VSTM5: variants seen among roughly 807,000 people sequenced by gnomAD.
The protein encoded by VSTM5 is V-set and transmembrane domain-containing protein 5.
In VSTM5, 21 loss-of-function variants were observed where a neutral mutation model predicts 20.3. The ratio of observed to expected loss-of-function variants is 1.03; its 90% CI spans 0.73 to 1.49. The LOEUF (loss-of-function observed/expected upper bound fraction) is 1.49. VSTM5 is among the 40% of genes most tolerant of loss of function. The pLI is 0.00. For missense variants in VSTM5, 219 were observed against 250.0 expected, an observed-to-expected ratio of 0.88 and a Z score of 0.84; for synonymous variants, 100 against 102.5, an observed-to-expected ratio of 0.98 and a Z score of 0.14.
chr11:93,829,338 C>A (rs1004548663), intron 1 of VSTM5, among the ~76,000 whole-genome samples: 2 of 152,102 alleles, frequency 1.3e-5, no homozygotes, highest in African/African-American at 4.8e-5. Context: ...AACAGCCTGG[C>A]CAACATGGTG....
At chr11:93,837,097 T>C (rs1029771470) in intron 1 of VSTM5, among the ~76,000 whole-genome samples, 1 of 151,906 alleles carries the variant, frequency 6.6e-6, no homozygotes, top group Non-Finnish European at 1.5e-5. Context: ...AGTGTCATGA[T>C]CTTGGCTCAC....
At chr11:93,842,811 A>G (rs530751838) in intron 1 of VSTM5, among the ~76,000 whole-genome samples, 13 of 152,254 alleles carry the variant, frequency 8.5e-5, no homozygotes, top group Non-Finnish European at 1.6e-4. Context: ...TGATCAGAAG[A>G]TCATTCAGGG....
At chr11:93,827,208 A>AC (rs1460857399) in intron 1 of VSTM5, among the ~76,000 whole-genome samples, 1 of 151,924 alleles carries the variant, frequency 6.6e-6, no homozygotes, top group Admixed American at 6.5e-5. Context: ...ACATGGAGAA[A>AC]CCCCATCTCT....
chr11:93,819,668 GA>G lies in VSTM5; in HGVS notation c.*900del, dbSNP rs1379536794. 5 of 152,308 alleles carry G rather than the reference GA, an allele frequency of 3.3e-5. No homozygotes were observed. Among genetic ancestry groups the G allele is most frequent in the African/African-American group, 1.2e-4 (5 of 41,452 alleles). 9.4% of individuals were successfully genotyped at this position (152,308 alleles called of 1,614,324 possible). A position where few individuals can be genotyped will look rare whatever the true frequency, so the allele number is the denominator to read the frequency against. ...CTTGAGACGTGAAGTGTTAGTGACT[GA>G]GGGGGACAGATGCAAAGCCCGAGAT... On this transcript the variant is annotated 3_prime_UTR_variant, in exon 4 of 4. Coordinates refer to ENST00000409977, the MANE Select transcript of VSTM5 (RefSeq NM_001144871.2).
intron 1 of VSTM5, among the ~76,000 whole-genome samples, chr11:93,848,150 G>A (rs765659658): frequency 1.4e-4 from 22 of 152,176 alleles, no homozygotes; most frequent in Non-Finnish European, 2.6e-4. Flanking sequence ...AGGGTGTTTG[G>A]CATGCTTTAA....
intron 1 of VSTM5, among the ~76,000 whole-genome samples, chr11:93,826,975 T>A (rs1021495778): frequency 6.6e-6 from 1 of 152,232 alleles, no homozygotes; most frequent in African/African-American, 2.4e-5. Context: ...TTGAATTTGT[T>A]AAGCCTTGAG....
chr11:93,820,532 C>T lies in VSTM5; in HGVS notation c.*37G>A. On this transcript the variant is annotated 3_prime_UTR_variant, in exon 4 of 4. Coordinates refer to ENST00000409977, the MANE Select transcript of VSTM5 (RefSeq NM_001144871.2). ...TGCTCTTTTTGTTGGAGAATGGTTTCCTCTTGAGGTAGGAATGCAGTCAGG... is the reference window on the plus strand; with the variant it reads ...TGCTCTTTTTGTTGGAGAATGGTTTTCTCTTGAGGTAGGAATGCAGTCAGG... The T allele has an allele frequency of 6.4e-7, 1 of 1,550,942 alleles. No homozygotes were observed. The highest frequency in any genetic ancestry group is 8.7e-7 in the Non-Finnish European group (1 of 1,146,392).
intron 1 of VSTM5, among the ~76,000 whole-genome samples, chr11:93,838,174 T>A (rs1257621570): frequency 6.9e-6 from 1 of 145,180 alleles, no homozygotes; most frequent in Non-Finnish European, 1.5e-5. Context: ...TTTCTGTCAA[T>A]GATTCAATTT....
chr11:93,830,344 G>C (rs1043570957), intron 1 of VSTM5, among the ~76,000 whole-genome samples: 1 of 152,248 alleles, frequency 6.6e-6, no homozygotes, highest in Non-Finnish European at 1.5e-5. Flanking sequence ...AGCCTAAACA[G>C]CCGGGAACAG....
intron 1 of VSTM5, among the ~76,000 whole-genome samples, chr11:93,829,061 C>T (rs1944260451): frequency 6.6e-6 from 1 of 152,192 alleles, no homozygotes; most frequent in Non-Finnish European, 1.5e-5. Flanking sequence ...CGGGCAATGA[C>T]ACAGAACTTT....
intron 1 of VSTM5, among the ~76,000 whole-genome samples, chr11:93,842,052 G>A (rs1012589676): frequency 2.6e-5 from 4 of 152,158 alleles, no homozygotes; most frequent in Admixed American, 6.5e-5. Flanking sequence ...TGCTGTGCCC[G>A]CCTCCTGCAG....
chr11:93,848,508 T>C (rs896440904), intron 1 of VSTM5, among the ~76,000 whole-genome samples: 1 of 152,226 alleles, frequency 6.6e-6, no homozygotes, highest in Non-Finnish European at 1.5e-5. Context: ...TGGTACACCC[T>C]GCATTCCCTT....
At chr11:93,830,347 G>A (rs1210797412) in intron 1 of VSTM5, among the ~76,000 whole-genome samples, 2 of 152,194 alleles carry the variant, frequency 1.3e-5, no homozygotes, top group African/African-American at 2.4e-5. Flanking sequence ...CTAAACAGCC[G>A]GGAACAGCTA....
At chr11:93,842,219 G>A (rs1457468638) in intron 1 of VSTM5, among the ~76,000 whole-genome samples, 2 of 152,224 alleles carry the variant, frequency 1.3e-5, no homozygotes, top group Non-Finnish European at 2.9e-5. Flanking sequence ...TTGGGGGTAT[G>A]TAAGCAGAAG....
chr11:93,831,804 T>C (rs1944286022), intron 1 of VSTM5, among the ~76,000 whole-genome samples: 1 of 152,236 alleles, frequency 6.6e-6, no homozygotes, highest in African/African-American at 2.4e-5. Flanking sequence ...AGATGTTATA[T>C]TATACAATAT....
At position 93,819,785 on chromosome 11, in the gene VSTM5, A is replaced by T. The variant is rs1325765006; in HGVS notation, c.*784T>A. Reference sequence around the variant, plus strand: ...GTCAGGAGGCCAGGTGCTGCCCATAATGGAGATGAGCTGTTGTTTTACTTA... The same window carrying T: ...GTCAGGAGGCCAGGTGCTGCCCATATTGGAGATGAGCTGTTGTTTTACTTA... On this transcript the variant is annotated 3_prime_UTR_variant, in exon 4 of 4. Transcript: ENST00000409977. 4 of 152,244 alleles carry T rather than the reference A, an allele frequency of 2.6e-5. No individual in the cohort carries two copies. Among genetic ancestry groups the T allele is most frequent in the South Asian group, 4.1e-4 (2 of 4,836 alleles). 9.4% of individuals were successfully genotyped at this position (152,244 alleles called of 1,614,324 possible).
rs368622556 is a variant in VSTM5 at position 93,839,372 on chromosome 11, T to C, written c.91+11040A>G. ...GCTTCTGGGGTCCTGGTTCCAGGTC[T>C]AGGGAGAGGCCTGGCACCTCTGCCC... On this transcript the variant is annotated intron_variant, in intron 1 of 3. Transcript: ENST00000409977. Among the ~76,000 whole-genome samples the C allele has an allele frequency of 2.9e-4, 44 of 152,322 alleles. 1 individual carries two copies. In the East Asian group the frequency reaches 4.4e-3, roughly 15 times the overall value.
chr11:93,846,766 ATTT>A (rs143745842), intron 1 of VSTM5, among the ~76,000 whole-genome samples: 1 of 94,640 alleles, frequency 1.1e-5, no homozygotes. Context: ...ATTTTTTTTA[ATTT>A]TTTTTTTTTT....
In VSTM5 at chr11:93,850,580, C is replaced by A; in HGVS notation, c.-78G>T. On this transcript the variant is annotated 5_prime_UTR_variant, in exon 1 of 4. Transcript: ENST00000409977. ...CAGCTCCTATGCAGCCTTCTCTCTT[C>A]CTCCGCCTCTGGCTGCCGCAGGTTC... The A allele has an allele frequency of 9.6e-7, 1 of 1,036,464 alleles. No individual in the cohort carries two copies. Among genetic ancestry groups the A allele is most frequent in the South Asian group, 1.5e-5 (1 of 66,070 alleles). The allele number at this position is 1,036,464 out of a possible 1,614,324, so 64.2% of individuals were successfully genotyped here. A position where few individuals can be genotyped will look rare whatever the true frequency, so the allele number is the denominator to read the frequency against.
Sources: gnomAD v4.1 joint callset for allele counts (sites outside exome capture counted in the v4.1 genomes callset) on GRCh38, gnomAD v4.1.1 for gene constraint, MANE v1.5 for transcripts, NCBI Gene and HGNC (gene_info 2026-07-23, HGNC 2026-07-21) for gene names.